OTOF: variants seen among roughly 807,000 people sequenced by gnomAD.
OTOF encodes the protein otoferlin, also known as fer-1-like family member 2.
In OTOF, 218 loss-of-function variants were observed where a neutral mutation model predicts 236.8. That is an observed-to-expected ratio of 0.92 (90% CI 0.82 to 1.03). The LOEUF is 1.03. Among genes scored for constraint, OTOF ranks in the 50% least tolerant of loss-of-function variants. OTOF has a pLI of 0.00. For missense variants in OTOF, 2,590 were observed against 2,694.4 expected (o/e 0.96, Z 0.86); for synonymous variants, 1,041 against 1,072.5 (o/e 0.97, Z 0.57).
At chr2:26,510,818 C>T in intron 5 of OTOF, 1 of 1,099,960 alleles carries the variant, frequency 9.1e-7, no homozygotes, top group African/African-American at 1.6e-5. Flanking sequence ...AGACACTGGC[C>T]TCAGCCCCGG....
At chr2:26,459,238 G>A (rs1664333605) in intron 46 of OTOF, among the ~76,000 whole-genome samples, 1 of 152,192 alleles carries the variant, frequency 6.6e-6, no homozygotes, top group African/African-American at 2.4e-5. Context: ...CCATAGCTCA[G>A]CTTCTTTCTG....
chr2:26,537,316 C>T (rs1459450776), intron 2 of OTOF, among the ~76,000 whole-genome samples: 1 of 152,216 alleles, frequency 6.6e-6, no homozygotes, highest in Non-Finnish European at 1.5e-5. Context: ...CCCCTGGGGA[C>T]TGACACAGAC....
intron 9 of OTOF, among the ~76,000 whole-genome samples, chr2:26,493,144 G>A (rs2148070127): frequency 6.6e-6 from 1 of 152,252 alleles, no homozygotes; most frequent in South Asian, 2.1e-4. Flanking sequence ...AATGTCCTTG[G>A]GGCTGGAGGG....
chr2:26,490,362 A>G (rs1368820261), intron 9 of OTOF, among the ~76,000 whole-genome samples: 1 of 152,214 alleles, frequency 6.6e-6, no homozygotes, highest in African/African-American at 2.4e-5. Flanking sequence ...AGAGCAGATG[A>G]ACCATGGTGT....
intron 1 of OTOF, among the ~76,000 whole-genome samples, chr2:26,548,862 A>G (rs1472603516): frequency 6.6e-6 from 1 of 152,178 alleles, no homozygotes; most frequent in Non-Finnish European, 1.5e-5. Flanking sequence ...TGCATTTTTC[A>G]GAATGTACTC....
rs771736008 is a variant in OTOF at position 26,519,104 on chromosome 2, A to G, written c.233T>C (p.Ile78Thr). The G allele has an allele frequency of 1.9e-6, 3 of 1,596,562 alleles. No individual in the cohort carries two copies. The South Asian group carries it at 3.4e-5, about 18-fold the overall frequency. Residue 78 changes from isoleucine (I) to threonine (T), a missense_variant, in exon 4 of 47, where the codon ATC (isoleucine) becomes ACC (threonine). Physicochemically the swap from Ile to Thr is moderately conservative, Grantham distance 89. Around this residue, in one of 2 missense-constraint regions of OTOF, gnomAD observed 1,379 missense variants for 1,341.6 expected, o/e 1.03. Transcript: ENST00000272371. ...NYSKVFSNKLIGTFRMVLQKV... is the reference protein window; with the variant it reads ...NYSKVFSNKLTGTFRMVLQKV... ...CTGCAGCACCATGCGGAAGGTCCCG[A>G]TGAGCCTGGGGATGGCAGAGGGGGC...
intron 12 of OTOF, 124 bp downstream of exon 12, chr2:26,484,350 A>C (rs1665647788): frequency 2.0e-6 from 2 of 1,005,780 alleles, no homozygotes; most frequent in South Asian, 2.7e-5. Context: ...GCTGCTTGGG[A>C]GAGTGAGCGA....
At chr2:26,545,347 T>A (rs1667306500) in intron 1 of OTOF, among the ~76,000 whole-genome samples, 1 of 152,186 alleles carries the variant, frequency 6.6e-6, no homozygotes, top group African/African-American at 2.4e-5. Flanking sequence ...ACATAAAAAA[T>A]TTCATAATTT....
In OTOF at chr2:26,460,911, G is replaced by T; in HGVS notation, c.5653C>A (p.Arg1885Ser). ...AGGAGGGGCCACCAGCCTTTGACGC[G>T]CTTTTGCTTGAAGATGGACACGAGG... ...VPLVSIFKQK[R>S]VKGWWPLLAR... is the part of the protein sequence containing the mutation. Residue 1885 changes from arginine (R) to serine (S), a missense_variant, in exon 44 of 47, where the codon CGC becomes AGC. By Grantham distance (110) the Arg-to-Ser change is moderately radical. This residue lies in a region of OTOF where 1,211 missense variants were observed against 1,352.8 expected (regional missense o/e 0.90). Transcript: ENST00000272371. This position sits in a 1 kb window ranked among gnomAD's most constrained non-coding sequence, Gnocchi z 5.3. 1 of 1,614,132 alleles carries T rather than the reference G, an allele frequency of 6.2e-7. No homozygotes were observed. The highest frequency in any genetic ancestry group is 8.5e-7 in the Non-Finnish European group (1 of 1,180,004).
Position 26,461,426 on chromosome 2 carries a change from G to T in OTOF, c.5533+270C>A, listed in dbSNP as rs143867603. Among the ~76,000 whole-genome samples, 27 of 152,296 alleles carry T rather than the reference G, an allele frequency of 1.8e-4. No homozygotes were observed. The East Asian group carries it at 5.2e-3, about 29-fold the overall frequency. ...GGAGGTTTCCCGACTCCCTTAGGGA[G>T]CCTCTCCCCTCCCCCATCATCACTG... On this transcript the variant is annotated intron_variant, in intron 43 of 46. Coordinates refer to ENST00000272371, the MANE Select transcript of OTOF (RefSeq NM_194248.3). The surrounding 1 kb of genome is among the most constrained non-coding windows in gnomAD (Gnocchi z 6.2).
chr2:26,542,267 T>C (rs951797897), intron 1 of OTOF, among the ~76,000 whole-genome samples: 3 of 152,218 alleles, frequency 2.0e-5, no homozygotes, highest in South Asian at 4.1e-4. Context: ...TGCCAGCCCA[T>C]GTGTGTTCAT....
chr2:26,475,764 T>C (rs570473319), intron 24 of OTOF, 150 bp downstream of exon 24: 112 of 1,056,480 alleles, frequency 1.1e-4, no homozygotes, highest in Non-Finnish European at 1.4e-4. Flanking sequence ...TGCAGTTATC[T>C]GCAGGGCTTC....
At chr2:26,536,973 G>A (rs985343789) in intron 2 of OTOF, among the ~76,000 whole-genome samples, 14 of 152,196 alleles carry the variant, frequency 9.2e-5, no homozygotes, top group Admixed American at 7.2e-4. Flanking sequence ...GCCAGGTACC[G>A]AGGGGAAGGG....
intron 1 of OTOF, 42 bp downstream of exon 1, chr2:26,558,451 G>A: frequency 1.3e-6 from 2 of 1,558,908 alleles, no homozygotes; most frequent in Non-Finnish European, 1.8e-6. Flanking sequence ...GGCTGGTCCA[G>A]CTCTCAGAGC....
chr2:26,472,001 A>G (rs1291087022), intron 30 of OTOF, among the ~76,000 whole-genome samples: 1 of 151,786 alleles, frequency 6.6e-6, no homozygotes, highest in Non-Finnish European at 1.5e-5. Context: ...ACATATGCAC[A>G]CACCACATGC....
chr2:26,498,667 A>G (rs149494743), intron 8 of OTOF, among the ~76,000 whole-genome samples: 8 of 152,300 alleles, frequency 5.3e-5, no homozygotes, highest in Non-Finnish European at 1.2e-4. Context: ...GGCTTCATGA[A>G]AGCGATCACA....
chr2:26,470,802 C>G lies in OTOF; in HGVS notation c.3895-81G>C. On this transcript the variant is annotated intron_variant, in intron 31 of 46. Coordinates refer to ENST00000272371, the MANE Select transcript of OTOF (RefSeq NM_194248.3). This position sits in a 1 kb window ranked among gnomAD's most constrained non-coding sequence, Gnocchi z 4.3. Reference sequence around the variant, plus strand: ...CGAGAGCCTCCACCCATTCCGCCATCTGTCAGCAGGAAGCCTTGGGCTCCA... The same window carrying G: ...CGAGAGCCTCCACCCATTCCGCCATGTGTCAGCAGGAAGCCTTGGGCTCCA... The G allele has an allele frequency of 3.8e-6, 6 of 1,567,606 alleles. No homozygotes were observed. The highest frequency in any genetic ancestry group is 5.2e-6 in the Non-Finnish European group (6 of 1,161,454).
In OTOF at chr2:26,457,930, A is replaced by T. The variant is rs1664263713; in HGVS notation, c.*308T>A. 2 of 1,139,880 alleles carry T rather than the reference A, an allele frequency of 1.8e-6. No homozygotes were observed. Among genetic ancestry groups the T allele is most frequent in the Non-Finnish European group, 2.5e-6 (2 of 791,310 alleles). The allele number at this position is 1,139,880 out of a possible 1,614,324, so 70.6% of individuals were successfully genotyped here. A position where few individuals can be genotyped will look rare whatever the true frequency, so the allele number is the denominator to read the frequency against. ...GGAGGCAGGCTCGGCCCAAGGCATG[A>T]AGAGTGGACGCTGGGCTCCTCAGGC... On this transcript the variant is annotated 3_prime_UTR_variant, in exon 47 of 47. Coordinates refer to ENST00000272371, the MANE Select transcript of OTOF (RefSeq NM_194248.3). The surrounding 1 kb of genome is among the most constrained non-coding windows in gnomAD (Gnocchi z 4.4).
intron 1 of OTOF, among the ~76,000 whole-genome samples, chr2:26,540,055 T>C (rs77303648): frequency 2.0e-5 from 3 of 152,152 alleles, no homozygotes; most frequent in Non-Finnish European, 4.4e-5. Context: ...TGCCTCAGCC[T>C]CCCAAGTAGT....
Sources: allele counts gnomAD v4.1 joint callset (sites outside exome capture counted in the v4.1 genomes callset), GRCh38; gene constraint gnomAD v4.1.1; regional missense constraint gnomAD v4.1.1; non-coding constraint Gnocchi (gnomAD v3.1); transcripts MANE v1.5; gene names NCBI Gene and HGNC (gene_info 2026-07-23, HGNC 2026-07-21).